The following NTN1 variants were observed in gnomAD, a reference collection of about 807,000 sequenced individuals.
The protein encoded by NTN1 is netrin-1.
Under a neutral mutation model 54.2 loss-of-function variants are expected in NTN1, and 11 were observed. The observed-to-expected ratio is 0.20, with a 90% CI of 0.13 to 0.34. The LOEUF (loss-of-function observed/expected upper bound fraction) is 0.34, where lower values mean the gene tolerates loss of function less well. Ranked by LOEUF, NTN1 falls within the 10% of genes least tolerant of loss-of-function variation. NTN1 has a pLI of 1.00. For missense variants in NTN1, 740 were observed against 893.1 expected (o/e 0.83, Z 2.18); for synonymous variants, 371 against 382.0 (o/e 0.97, Z 0.33).
intron 5 of NTN1, among the ~76,000 whole-genome samples, chr17:9,203,197 A>C (rs1330869442): frequency 6.6e-6 from 1 of 152,132 alleles, no homozygotes; most frequent in Non-Finnish European, 1.5e-5. Flanking sequence ...CTGGGATTAC[A>C]GGTGTGAGCC....
intron 3 of NTN1, among the ~76,000 whole-genome samples, chr17:9,170,830 G>A (rs1266116880): frequency 2.0e-5 from 3 of 151,728 alleles, no homozygotes; most frequent in Admixed American, 6.6e-5. Flanking sequence ...CCACTGTGTC[G>A]TACAGCCCTA....
intron 2 of NTN1, among the ~76,000 whole-genome samples, chr17:9,094,719 G>C (rs915075496): frequency 6.6e-6 from 1 of 151,854 alleles, no homozygotes; most frequent in Admixed American, 6.6e-5. Context: ...AGCCAGGTGC[G>C]GTGGCTCACA....
intron 2 of NTN1, among the ~76,000 whole-genome samples, chr17:9,114,741 G>A (rs1180820596): frequency 1.3e-5 from 2 of 152,174 alleles, no homozygotes; most frequent in Non-Finnish European, 2.9e-5. Context: ...GCAACAGAGC[G>A]AGACTGTGTC....
chr17:9,209,786 G>T (rs7224773), intron 5 of NTN1, among the ~76,000 whole-genome samples: 56,229 of 152,094 alleles, frequency 0.37, 10,840 homozygotes, highest in African/African-American at 0.43. Context: ...TGAATACATA[G>T]TTGCAGTCCC....
chr17:9,017,062 C>T (rs2091833456), upstream of NTN1, among the ~76,000 whole-genome samples: 2 of 152,200 alleles, frequency 1.3e-5, no homozygotes, highest in African/African-American at 4.8e-5. Context: ...GACCACCTGA[C>T]CACCAGTTTT....
At chr17:9,009,086 C>T in the NTN1 span, among the ~76,000 whole-genome samples, 5 of 152,208 alleles carry the variant, frequency 3.3e-5, no homozygotes, top group Non-Finnish European at 7.3e-5. Flanking sequence ...AAAGCTCTGT[C>T]TTGGGACTTT....
At chr17:9,134,281 C>T (rs2092274600) in intron 2 of NTN1, among the ~76,000 whole-genome samples, 2 of 152,102 alleles carry the variant, frequency 1.3e-5, no homozygotes, top group African/African-American at 4.8e-5. Context: ...CCCTTTGTTC[C>T]TGGGGCCAAT....
chr17:9,074,571 A>T lies in NTN1; in HGVS notation c.1018+51180A>T, dbSNP rs114810048. 3.0e-3 allele frequency among the ~76,000 whole-genome samples: 458 copies of T among 152,354 alleles called. 5 individuals carry two copies. Among genetic ancestry groups the T allele is most frequent in the African/African-American group, 0.01 (427 of 41,590 alleles). On this transcript the variant is annotated intron_variant, in intron 2 of 6. Coordinates refer to ENST00000173229, the MANE Select transcript of NTN1 (RefSeq NM_004822.3). ...TTTCACTCAACACGCCCAAGTAGAC[A>T]GATCCAGATGACTCTCCTGTCCACT...
At chr17:9,177,369 G>A (rs997836546) in intron 3 of NTN1, 2 of 152,228 alleles carry the variant, frequency 1.3e-5, no homozygotes, top group African/African-American at 4.8e-5. Context: ...TCTGCTCTGG[G>A]TCGGCCGCTG....
At chr17:9,110,055 T>TC (rs1318665927) in intron 2 of NTN1, among the ~76,000 whole-genome samples, 5 of 152,190 alleles carry the variant, frequency 3.3e-5, no homozygotes, top group African/African-American at 1.2e-4. Context: ...CCCAGTCTGT[T>TC]CCTGTCCTTT....
At chr17:9,154,771 T>C in intron 2 of NTN1, among the ~76,000 whole-genome samples, 1 of 152,222 alleles carries the variant, frequency 6.6e-6, no homozygotes, top group East Asian at 1.9e-4. Flanking sequence ...CCTCAAACTC[T>C]TAAAAATAAC....
chr17:9,166,561 C>T lies in NTN1; in HGVS notation c.1207+3560C>T, dbSNP rs56175135. On this transcript the variant is annotated intron_variant, in intron 3 of 6. Coordinates refer to ENST00000173229, the MANE Select transcript of NTN1 (RefSeq NM_004822.3). ...TTCATCATGTTGGCCAGGCTGGTCT[C>T]GAACTCCTGACTTCAGGTGATCTGT... is the stretch of plus-strand genomic sequence containing the variant. Among the ~76,000 whole-genome samples, 648 of 152,140 alleles carry T rather than the reference C, an allele frequency of 4.3e-3. 3 individuals are homozygous for T. Among genetic ancestry groups the T allele is most frequent in the African/African-American group, 0.015 (606 of 41,490 alleles).
intron 6 of NTN1, among the ~76,000 whole-genome samples, chr17:9,235,789 CT>C (rs1905968727): frequency 6.8e-6 from 1 of 146,670 alleles, no homozygotes; most frequent in Admixed American, 6.7e-5. Flanking sequence ...GCCCTGTCCC[CT>C]GTCACCCAGG....
At chr17:9,191,454 C>T (rs1904454941) in intron 5 of NTN1, among the ~76,000 whole-genome samples, 1 of 152,114 alleles carries the variant, frequency 6.6e-6, no homozygotes, top group Non-Finnish European at 1.5e-5. Flanking sequence ...GAGCAAAACT[C>T]CATCTCAAAA....
intron 2 of NTN1, among the ~76,000 whole-genome samples, chr17:9,113,128 A>G (rs1004897493): frequency 1.3e-5 from 2 of 150,392 alleles, no homozygotes; most frequent in East Asian, 3.9e-4. Context: ...GGTTCAAGTG[A>G]TTCTCCTGCC....
chr17:9,239,584 G>T lies in NTN1; in HGVS notation c.1487-56G>T. 6.4e-7 allele frequency: 1 copy of T among 1,554,962 alleles called. No individual in the cohort carries two copies. Among genetic ancestry groups the T allele is most frequent in the Non-Finnish European group, 8.8e-7 (1 of 1,136,872 alleles). Reference sequence around the variant, plus strand: ...TTCCCTTCTCCCCAGGCTCAGGCAGGGCGGACCTAGCCACAGCAGCTGGGA... The same window carrying T: ...TTCCCTTCTCCCCAGGCTCAGGCAGTGCGGACCTAGCCACAGCAGCTGGGA... On this transcript the variant is annotated intron_variant, in intron 6 of 6. Coordinates refer to ENST00000173229, the MANE Select transcript of NTN1 (RefSeq NM_004822.3). This position sits in a 1 kb window ranked among gnomAD's most constrained non-coding sequence, Gnocchi z 5.2.
intron 2 of NTN1, among the ~76,000 whole-genome samples, chr17:9,078,759 T>C (rs1195824207): frequency 1.3e-5 from 2 of 152,208 alleles, no homozygotes; most frequent in Non-Finnish European, 2.9e-5. Flanking sequence ...GAAAACTTGA[T>C]CTCTGGAGTC....
At position 9,023,156 on chromosome 17, in the gene NTN1, C is replaced by T. The variant is rs1374523483; in HGVS notation, c.783C>T (p.Asn261=). The change falls in exon 2 of 7, where the codon AAC becomes AAT. Residue 261 remains asparagine (N), a synonymous_variant. Coordinates refer to ENST00000173229, the MANE Select transcript of NTN1 (RefSeq NM_004822.3). ...FSRLHTFGDE[N]EDDSELARDS... The stretch of plus-strand genomic sequence containing the variant: ...GCCTGCACACGTTCGGCGACGAGAA[C>T]GAGGACGACTCGGAGCTGGCGCGCG... The T allele has an allele frequency of 2.6e-6, 4 of 1,564,176 alleles. No homozygotes were observed. Among genetic ancestry groups the T allele is most frequent in the Non-Finnish European group, 1.7e-6 (2 of 1,152,858 alleles).
At chr17:9,013,287 G>A in the NTN1 span, among the ~76,000 whole-genome samples, 2 of 148,878 alleles carry the variant, frequency 1.3e-5, no homozygotes, top group Non-Finnish European at 3.0e-5. Flanking sequence ...TGCAATCTCG[G>A]CTCACTGCAA....
Sources: allele counts gnomAD v4.1 joint callset (sites outside exome capture counted in the v4.1 genomes callset), GRCh38; gene constraint gnomAD v4.1.1; non-coding constraint Gnocchi (gnomAD v3.1); transcripts MANE v1.5; gene names NCBI Gene and HGNC (gene_info 2026-07-23, HGNC 2026-07-21).